SH3BGRL: variants seen among roughly 807,000 people sequenced by gnomAD.
SH3BGRL encodes SH3 domain binding glutamate rich protein like.
A neutral mutation model predicts 9.8 loss-of-function variants in SH3BGRL; 7 were observed. That is an observed-to-expected ratio of 0.72 (90% CI 0.41 to 1.35). SH3BGRL has a LOEUF of 1.35. Among genes scored for constraint, SH3BGRL ranks in the 40% most tolerant of loss-of-function variants. SH3BGRL has a pLI of 0.01. For synonymous variants in SH3BGRL, 36 were observed against 29.1 expected (o/e 1.24, Z -0.76); for missense variants, 73 against 84.4 (o/e 0.86, Z 0.53).
At chrX:81,264,340 G>A (rs1392589409) in intron 1 of SH3BGRL, among the ~76,000 whole-genome samples, 1 of 111,195 alleles carries the variant, frequency 9.0e-6, no homozygotes, top group Non-Finnish European at 1.9e-5. Context: ...TTGATTTAAA[G>A]ACCATTAATA....
intron 3 of SH3BGRL, among the ~76,000 whole-genome samples, chrX:81,296,747 T>A (rs2075876502): frequency 8.9e-6 from 1 of 111,947 alleles, no homozygotes; most frequent in South Asian, 3.7e-4. Context: ...AACCTGATTT[T>A]TTGGTGTGTA....
intron 3 of SH3BGRL, among the ~76,000 whole-genome samples, chrX:81,284,287 CCTT>C (rs1460962022): frequency 9.0e-6 from 1 of 110,700 alleles, no homozygotes; most frequent in Non-Finnish European, 1.9e-5. Flanking sequence ...ATACCACTAT[CCTT>C]CTTCATAGAA....
chrX:81,236,804 A>T (rs2075649469), intron 1 of SH3BGRL, among the ~76,000 whole-genome samples: 1 of 111,018 alleles, frequency 9.0e-6, no homozygotes, highest in Non-Finnish European at 1.9e-5. Flanking sequence ...TATAATACAC[A>T]GGATTCTAGA....
intron 1 of SH3BGRL, among the ~76,000 whole-genome samples, chrX:81,212,246 A>T (rs908491055): frequency 2.0e-4 from 20 of 101,181 alleles, no homozygotes; most frequent in African/African-American, 7.1e-4. Context: ...AATAAAAAAT[A>T]AAAAAAAAAG....
At chrX:81,293,411 G>A (rs780394764) in intron 3 of SH3BGRL, among the ~76,000 whole-genome samples, 5 of 112,132 alleles carry the variant, frequency 4.5e-5, no homozygotes, top group East Asian at 2.8e-4. Context: ...GGCCAGGTGC[G>A]CTGGCTCATG....
At chrX:81,257,120 C>G (rs1412555010) in intron 1 of SH3BGRL, among the ~76,000 whole-genome samples, 1 of 111,687 alleles carries the variant, frequency 9.0e-6, no homozygotes, top group East Asian at 2.8e-4. Flanking sequence ...ATAACATGAT[C>G]AGCCATGAGA....
intron 3 of SH3BGRL, among the ~76,000 whole-genome samples, chrX:81,286,480 T>C (rs2075834165): frequency 1.2e-5 from 1 of 84,421 alleles, no homozygotes; most frequent in Non-Finnish European, 2.2e-5. Context: ...AGCTGTGGTA[T>C]TGATTTTAGC....
chrX:81,214,023 A>G (rs1186525130), intron 1 of SH3BGRL, among the ~76,000 whole-genome samples: 1 of 112,317 alleles, frequency 8.9e-6, no homozygotes, highest in Non-Finnish European at 1.9e-5. Flanking sequence ...AAACAAAGAC[A>G]GGACTTTGCT....
In SH3BGRL at chrX:81,211,356, C is replaced by T. The variant is rs901271579; in HGVS notation, c.45+9111C>T. Among the ~76,000 whole-genome samples, 30 of 111,335 alleles carry T rather than the reference C, an allele frequency of 2.7e-4. No homozygotes were observed. In the Middle Eastern group the frequency reaches 0.019, roughly 69 times the overall value. On this transcript the variant is annotated intron_variant, in intron 1 of 3. Transcript: ENST00000373212. The stretch of plus-strand genomic sequence containing the variant: ...TCTCAGCACTTTGTGGGGGCCGAGG[C>T]GGGCGGATCACGAGGTCAGGAGATC...
At chrX:81,263,671 T>C in intron 1 of SH3BGRL, among the ~76,000 whole-genome samples, 1 of 108,539 alleles carries the variant, frequency 9.2e-6, no homozygotes, top group Admixed American at 9.6e-5. Context: ...TGTTACTGAC[T>C]CAAAGCTTGT....
chrX:81,278,165 G>T (rs774655676), intron 2 of SH3BGRL, among the ~76,000 whole-genome samples, 166 bp from the exon 3 acceptor site: 1 of 112,337 alleles, frequency 8.9e-6, no homozygotes, highest in Non-Finnish European at 1.9e-5. Context: ...GTTTCTCCAT[G>T]TTGGTCAGGC....
chrX:81,209,333 A>T (rs2075556759), intron 1 of SH3BGRL, among the ~76,000 whole-genome samples: 1 of 111,940 alleles, frequency 8.9e-6, no homozygotes, highest in African/African-American at 3.3e-5. Context: ...TAGTAATAGT[A>T]AAGACAACAC....
At chrX:81,254,859 CT>C (rs2075720591) in intron 1 of SH3BGRL, among the ~76,000 whole-genome samples, 1 of 108,261 alleles carries the variant, frequency 9.2e-6, no homozygotes, top group African/African-American at 3.4e-5. Flanking sequence ...ATATACATTG[CT>C]TTGTGGAGAT....
intron 1 of SH3BGRL, among the ~76,000 whole-genome samples, chrX:81,236,900 G>GGAGAGAGA (rs3051997): frequency 0.025 from 2,472 of 97,361 alleles, 37 homozygotes; most frequent in Non-Finnish European, 0.039. Context: ...AGAGGCTGAG[G>GGAGAGAGA]GAGAGAGAGA....
In SH3BGRL at chrX:81,229,482, G is replaced by A. The variant is rs760327586; in HGVS notation, c.45+27237G>A. ...GAATCGGATCACATGTGAGCTTGGAGAATGATTGCAAGGTTTTATTGAGGG... is the reference window on the plus strand; with the variant it reads ...GAATCGGATCACATGTGAGCTTGGAAAATGATTGCAAGGTTTTATTGAGGG... On this transcript the variant is annotated intron_variant, in intron 1 of 3. Transcript: ENST00000373212. 2.7e-5 allele frequency among the ~76,000 whole-genome samples: 3 copies of A among 111,594 alleles called. No individual in the cohort carries two copies. In the East Asian group the frequency reaches 8.6e-4, roughly 32 times the overall value.
At chrX:81,267,053 C>T (rs185170078) in intron 1 of SH3BGRL, among the ~76,000 whole-genome samples, 3 of 111,866 alleles carry the variant, frequency 2.7e-5, no homozygotes, top group African/African-American at 9.7e-5. Context: ...TGCACATTGA[C>T]TTTGCATCCT....
At chrX:81,212,663 G>A (rs73508656) in intron 1 of SH3BGRL, among the ~76,000 whole-genome samples, 5,980 of 111,049 alleles carry the variant, frequency 0.054, 375 homozygotes, top group African/African-American at 0.18. Context: ...GCTTAATAGA[G>A]GAGTGCATAT....
chrX:81,222,371 G>T (rs1018173822), intron 1 of SH3BGRL, among the ~76,000 whole-genome samples: 1 of 88,855 alleles, frequency 1.1e-5, no homozygotes, highest in African/African-American at 4.5e-5. Context: ...CCCTTCCTGT[G>T]TCCATGTGTT....
intron 1 of SH3BGRL, among the ~76,000 whole-genome samples, chrX:81,242,672 C>T (rs1439438124): frequency 9.0e-6 from 1 of 111,466 alleles, no homozygotes; most frequent in Non-Finnish European, 1.9e-5. Flanking sequence ...AACTATCCAT[C>T]TGACAAGGTA....
Sources: gnomAD v4.1 joint callset for allele counts (sites outside exome capture counted in the v4.1 genomes callset) on GRCh38, gnomAD v4.1.1 for gene constraint, MANE v1.5 for transcripts, NCBI Gene and HGNC (gene_info 2026-07-23, HGNC 2026-07-21) for gene names.